The following NUDCD2 variants were observed in gnomAD, a reference collection of about 807,000 sequenced individuals.
The protein encoded by NUDCD2 is NudC domain containing 2.
In NUDCD2, 16 loss-of-function variants were observed where a neutral mutation model predicts 20.8. That is an observed-to-expected ratio of 0.77 (90% CI 0.52 to 1.17). NUDCD2 has a LOEUF of 1.17. Ranked by LOEUF, NUDCD2 falls within the 50% of genes most tolerant of loss-of-function variation. The pLI, the probability that NUDCD2 is intolerant of heterozygous loss-of-function variation, is 0.00. For missense variants in NUDCD2, 199 were observed against 193.9 expected (o/e 1.03, Z -0.16); for synonymous variants, 87 against 72.8 (o/e 1.20, Z -1.00).
chr5:163,459,934 G>C lies in NUDCD2; in HGVS notation c.117C>G (p.Arg39=), dbSNP rs141206788. ...FIEVQVPPGT[R]AQDIQCGLQS... ...GGAGGCCGCACTGGATATCCTGGGC[G>C]CGCGTGCCTGGCGGCACCTGAACTT... Residue 39 remains arginine (R), a synonymous_variant, in exon 1 of 4, where the codon CGC becomes CGG. Coordinates refer to ENST00000302764, the MANE Select transcript of NUDCD2 (RefSeq NM_145266.6). 1 of 1,613,250 alleles carries C rather than the reference G, an allele frequency of 6.2e-7. No homozygotes were observed. Among genetic ancestry groups the C allele is most frequent in the East Asian group, 2.2e-5 (1 of 44,790 alleles).
intron 1 of NUDCD2, chr5:163,459,249 C>G (rs138795696): frequency 1.4e-3 from 211 of 152,150 alleles, no homozygotes; most frequent in African/African-American, 4.6e-3. Context: ...ATACACTTAA[C>G]AAAGAAAAAG....
Position 163,453,744 on chromosome 5 carries a change from CA to C in NUDCD2, c.*222del. On this transcript the variant is annotated 3_prime_UTR_variant, in exon 4 of 4. Transcript: ENST00000302764. ...GCAGCATATAAAACTTCATGCTGAG[CA>C]AAAACAAGTCCAAAACAACTTTACC... The C allele has an allele frequency of 3.0e-6, 1 of 335,414 alleles. No homozygotes were observed. The highest frequency in any genetic ancestry group is 5.4e-6 in the Non-Finnish European group (1 of 184,902). 20.8% of individuals were successfully genotyped at this position (335,414 alleles called of 1,614,324 possible).
At chr5:163,454,374 T>A (rs1018349256) in intron 3 of NUDCD2, among the ~76,000 whole-genome samples, 1 of 152,166 alleles carries the variant, frequency 6.6e-6, no homozygotes, top group Non-Finnish European at 1.5e-5. Flanking sequence ...GGAGTTTCGC[T>A]CTTGTTGCCC....
At chr5:163,455,400 A>C (rs1202768244) in intron 3 of NUDCD2, among the ~76,000 whole-genome samples, 1 of 152,170 alleles carries the variant, frequency 6.6e-6, no homozygotes, top group African/African-American at 2.4e-5. Context: ...GGAATAACTG[A>C]TCAGAAAGGG....
At position 163,452,460 on chromosome 5, in the gene NUDCD2, C is replaced by CG. The variant is rs1247918149; in HGVS notation, c.*1506_*1507insC. 2 of 152,014 alleles carry CG rather than the reference C, an allele frequency of 1.3e-5. No individual in the cohort carries two copies. Among genetic ancestry groups the CG allele is most frequent in the African/African-American group, 4.8e-5 (2 of 41,446 alleles). 9.4% of individuals were successfully genotyped at this position (152,014 alleles called of 1,614,324 possible). A position where few individuals can be genotyped will look rare whatever the true frequency, so the allele number is the denominator to read the frequency against. ...CCACCCAGAATGGACTTCTACCAGC[C>CG]AAATGTACAATAATTTTGAGCACCA... On this transcript the variant is annotated 3_prime_UTR_variant, in exon 4 of 4. Coordinates refer to ENST00000302764, the MANE Select transcript of NUDCD2 (RefSeq NM_145266.6).
Position 163,456,926 on chromosome 5 carries a change from T to G in NUDCD2, c.390+3A>C. On this transcript the variant is annotated splice_donor_region_variant and intron_variant, in intron 3 of 3. Transcript: ENST00000302764. ...ACATACTCATACACTTCATCTGACTTACTTCTTTTTGGAATCTCTCTAATG... is the reference window on the plus strand; with the variant it reads ...ACATACTCATACACTTCATCTGACTGACTTCTTTTTGGAATCTCTCTAATG... The G allele has an allele frequency of 6.3e-7, 1 of 1,597,870 alleles. No individual in the cohort carries two copies. Among genetic ancestry groups the G allele is most frequent in the Non-Finnish European group, 8.5e-7 (1 of 1,172,354 alleles).
rs138753559 is a variant in NUDCD2 at position 163,447,563 on chromosome 5, G to C, written c.*6404C>G. On this transcript the variant is annotated 3_prime_UTR_variant, in exon 4 of 4. Coordinates refer to ENST00000302764, the MANE Select transcript of NUDCD2 (RefSeq NM_145266.6). Reference sequence around the variant, plus strand: ...CTCTCAGTAGTCCATAGAATTAATAGAAAATTAGCAAAGATGTAGGAAAAT... The same window carrying C: ...CTCTCAGTAGTCCATAGAATTAATACAAAATTAGCAAAGATGTAGGAAAAT... 35 of 151,718 alleles carry C rather than the reference G, an allele frequency of 2.3e-4. No homozygotes were observed. The highest frequency in any genetic ancestry group is 6.8e-4 in the African/African-American group (28 of 41,412). The allele number at this position is 151,718 out of a possible 1,614,324, so 9.4% of individuals were successfully genotyped here. A position where few individuals can be genotyped will look rare whatever the true frequency, so the allele number is the denominator to read the frequency against.
intron 3 of NUDCD2, 147 bp downstream of exon 3, chr5:163,456,782 G>T: frequency 1.6e-6 from 1 of 612,546 alleles, no homozygotes; most frequent in Non-Finnish European, 2.6e-6. Flanking sequence ...ATACAAGAAA[G>T]GCCATTTTTC....
intron 2 of NUDCD2, among the ~76,000 whole-genome samples, 195 bp from the exon 3 acceptor site, chr5:163,457,275 G>A (rs776395545): frequency 3.8e-4 from 58 of 152,140 alleles, no homozygotes; most frequent in South Asian, 2.1e-4. Context: ...GGGAATACAG[G>A]CATGCGCCAC....
At position 163,459,827 on chromosome 5, in the gene NUDCD2, G is replaced by C. The variant is rs1343803234; in HGVS notation, c.189+35C>G. 1.9e-6 allele frequency: 3 copies of C among 1,558,368 alleles called. No individual in the cohort carries two copies. The South Asian group carries it at 3.6e-5, about 19-fold the overall frequency. On this transcript the variant is annotated intron_variant, in intron 1 of 3. Coordinates refer to ENST00000302764, the MANE Select transcript of NUDCD2 (RefSeq NM_145266.6). ...AAACGGGGCTGGGGGCGTCTGGGAA[G>C]AGGAAACTGAACACAAGCCCCGAGC...
chr5:163,452,173 T>C lies in NUDCD2; in HGVS notation c.*1794A>G, dbSNP rs1291830908. The C allele has an allele frequency of 6.6e-6, 1 of 152,150 alleles. No individual in the cohort carries two copies. The highest frequency in any genetic ancestry group is 1.5e-5 in the Non-Finnish European group (1 of 68,030). The allele number at this position is 152,150 out of a possible 1,614,324, so 9.4% of individuals were successfully genotyped here. A position where few individuals can be genotyped will look rare whatever the true frequency, so the allele number is the denominator to read the frequency against. ...GAAGCCCATGGGATCAGAATTTATA[T>C]GTGAATTCATGGTTTTCAATATACA... is the stretch of plus-strand genomic sequence containing the variant. On this transcript the variant is annotated 3_prime_UTR_variant, in exon 4 of 4. Transcript: ENST00000302764.
intron 3 of NUDCD2, among the ~76,000 whole-genome samples, chr5:163,454,371 C>A (rs1028265410): frequency 2.6e-5 from 4 of 152,050 alleles, no homozygotes; most frequent in Non-Finnish European, 5.9e-5. Flanking sequence ...GACGGAGTTT[C>A]GCTCTTGTTG....
At chr5:163,457,219 C>G in intron 2 of NUDCD2, 139 bp from the exon 3 acceptor site, 1 of 858,888 alleles carries the variant, frequency 1.2e-6, no homozygotes, top group Admixed American at 3.3e-5. Flanking sequence ...GAAACCTCCG[C>G]CCCCCGGGTT....
rs1758236368 is a variant in NUDCD2, at chr5:163,453,771, A to G, written c.*196T>C. Reference sequence around the variant, plus strand: ...AAAACAAGTCCAAAACAACTTTACCATATATCCATAGAATAGTTCCCACAG... The same window carrying G: ...AAAACAAGTCCAAAACAACTTTACCGTATATCCATAGAATAGTTCCCACAG... On this transcript the variant is annotated 3_prime_UTR_variant, in exon 4 of 4. Coordinates refer to ENST00000302764, the MANE Select transcript of NUDCD2 (RefSeq NM_145266.6). 5.3e-6 allele frequency: 2 copies of G among 375,078 alleles called. No individual in the cohort carries two copies. The highest frequency in any genetic ancestry group is 7.3e-4 in the Middle Eastern group (1 of 1,378). 23.2% of individuals were successfully genotyped at this position (375,078 alleles called of 1,614,324 possible). A position where few individuals can be genotyped will look rare whatever the true frequency, so the allele number is the denominator to read the frequency against.
chr5:163,451,590 C>T lies in NUDCD2; in HGVS notation c.*2377G>A, dbSNP rs763492042. 3.9e-5 allele frequency: 6 copies of T among 152,144 alleles called. No individual in the cohort carries two copies. Among genetic ancestry groups the T allele is most frequent in the Non-Finnish European group, 8.8e-5 (6 of 68,026 alleles). 9.4% of individuals were successfully genotyped at this position (152,144 alleles called of 1,614,324 possible). A position where few individuals can be genotyped will look rare whatever the true frequency, so the allele number is the denominator to read the frequency against. On this transcript the variant is annotated 3_prime_UTR_variant, in exon 4 of 4. Transcript: ENST00000302764. ...TTAAAAGAAAAATAGCCTCTTCCCC[C>T]GACAATTCATTCCTAAAATGAGCAA...
chr5:163,458,918 G>C (rs1398510555), intron 1 of NUDCD2: 3 of 152,118 alleles, frequency 2.0e-5, no homozygotes, highest in Middle Eastern at 3.2e-3. Flanking sequence ...CGAATCTTGA[G>C]GCACTCAAAG....
At position 163,447,536 on chromosome 5, in the gene NUDCD2, C is replaced by T. The variant is rs1259075443; in HGVS notation, c.*6431G>A. On this transcript the variant is annotated 3_prime_UTR_variant, in exon 4 of 4. Coordinates refer to ENST00000302764, the MANE Select transcript of NUDCD2 (RefSeq NM_145266.6). The stretch of plus-strand genomic sequence containing the variant: ...TTTACAGTTGGAAACTTAAACATTC[C>T]TCTCTCAGTAGTCCATAGAATTAAT... 1 of 151,096 alleles carries T rather than the reference C, an allele frequency of 6.6e-6. No individual in the cohort carries two copies. Among genetic ancestry groups the T allele is most frequent in the Non-Finnish European group, 1.5e-5 (1 of 67,888 alleles). 9.4% of individuals were successfully genotyped at this position (151,096 alleles called of 1,614,324 possible).
Position 163,459,656 on chromosome 5 carries a change from C to G in NUDCD2, c.189+206G>C, listed in dbSNP as rs1758423510. ...GCAGTCTTAGTTTGAAAACTAAACACGAAAATAGGCTCCTCAAATTTCCAC... is the reference window on the plus strand; with the variant it reads ...GCAGTCTTAGTTTGAAAACTAAACAGGAAAATAGGCTCCTCAAATTTCCAC... On this transcript the variant is annotated intron_variant, in intron 1 of 3. Transcript: ENST00000302764. The G allele has an allele frequency of 9.6e-6, 4 of 418,732 alleles. No individual in the cohort carries two copies. In the South Asian group the frequency reaches 2.2e-4, roughly 23 times the overall value. The allele number at this position is 418,732 out of a possible 1,614,324, so 25.9% of individuals were successfully genotyped here. A position where few individuals can be genotyped will look rare whatever the true frequency, so the allele number is the denominator to read the frequency against.
At position 163,448,232 on chromosome 5, in the gene NUDCD2, A is replaced by G. The variant is rs1307009025; in HGVS notation, c.*5735T>C. On this transcript the variant is annotated 3_prime_UTR_variant, in exon 4 of 4. Coordinates refer to ENST00000302764, the MANE Select transcript of NUDCD2 (RefSeq NM_145266.6). The stretch of plus-strand genomic sequence containing the variant: ...AAAAAAGAGGCAGAAAATAAATGCA[A>G]TTGTAAACAAATTAATAGAAAACAA... 6.6e-6 allele frequency: 1 copy of G among 152,068 alleles called. No individual in the cohort carries two copies. Among genetic ancestry groups the G allele is most frequent in the South Asian group, 2.1e-4 (1 of 4,832 alleles). 9.4% of individuals were successfully genotyped at this position (152,068 alleles called of 1,614,324 possible). A position where few individuals can be genotyped will look rare whatever the true frequency, so the allele number is the denominator to read the frequency against.
Sources: gnomAD v4.1 joint callset for allele counts (sites outside exome capture counted in the v4.1 genomes callset) on GRCh38, gnomAD v4.1.1 for gene constraint, MANE v1.5 for transcripts, NCBI Gene and HGNC (gene_info 2026-07-23, HGNC 2026-07-21) for gene names.